The following NAA16 variants were observed in gnomAD, a reference collection of about 807,000 sequenced individuals.
The protein encoded by NAA16 is N-alpha-acetyltransferase 16, NatA auxiliary subunit.
In NAA16, 97 loss-of-function variants were observed where a neutral mutation model predicts 110.3. The observed-to-expected ratio is 0.88, with a 90% CI of 0.75 to 1.04. The LOEUF is 1.04. NAA16 is among the 50% of genes least tolerant of loss of function. The pLI, the probability that NAA16 is intolerant of heterozygous loss-of-function variation, is 0.00. For synonymous variants in NAA16, 372 were observed against 330.6 expected (o/e 1.13, Z -1.36); for missense variants, 1,017 against 1,005.1 (o/e 1.01, Z -0.16).
chr13:41,373,267 T>G (rs2043358241), intron 17 of NAA16: 2 of 579,980 alleles, frequency 3.4e-6, no homozygotes, highest in Non-Finnish European at 4.3e-6. Context: ...GTGTTTTTTG[T>G]TTTTTTTTTT....
At chr13:41,324,678 T>C (rs2042042474) in intron 5 of NAA16, among the ~76,000 whole-genome samples, 2 of 150,968 alleles carry the variant, frequency 1.3e-5, no homozygotes, top group African/African-American at 4.9e-5. Flanking sequence ...CCGGCCAATT[T>C]CTGTTTTTTT....
intron 9 of NAA16, among the ~76,000 whole-genome samples, chr13:41,349,111 A>C (rs2042760608): frequency 6.6e-6 from 1 of 151,264 alleles, no homozygotes; most frequent in South Asian, 2.1e-4. Flanking sequence ...TATTTCATTA[A>C]TTTTCACTTT....
chr13:41,358,401 T>G lies in NAA16; in HGVS notation c.1185T>G (p.Asp395Glu). 1.2e-6 allele frequency: 2 copies of G among 1,613,494 alleles called. No homozygotes were observed. Among genetic ancestry groups the G allele is most frequent in the Non-Finnish European group, 1.7e-6 (2 of 1,179,440 alleles). ...TTGGACAGTATTCTTTGGCTTTGGA[T>G]TATATTAATGCTGCAATTGCTAGTA... ...DKLGQYSLAL[D>E]YINAAIASTP... The change falls in exon 11 of 20, where the codon GAT becomes GAG. Residue 395 changes from aspartate to glutamate, a missense_variant. By Grantham distance (45) the Asp-to-Glu change is conservative. Transcript: ENST00000379406.
At chr13:41,317,030 T>G (rs1457180234) in intron 2 of NAA16, 100 bp downstream of exon 2, 1 of 822,514 alleles carries the variant, frequency 1.2e-6, no homozygotes, top group African/African-American at 1.7e-5. Context: ...GGCCTTGCAG[T>G]TCTCTATTAG....
At chr13:41,358,153 C>T (rs2043034248) in intron 10 of NAA16, 151 bp from the exon 11 acceptor site, 1 of 684,548 alleles carries the variant, frequency 1.5e-6, no homozygotes, top group Non-Finnish European at 2.4e-6. Flanking sequence ...TTTATGAAGT[C>T]ATACCTCTTT....
At position 41,358,610 on chromosome 13, in the gene NAA16, A is replaced by C. The variant is rs1009272782; in HGVS notation, c.1257+137A>C. Reference sequence around the variant, plus strand: ...TAATAATCCTGTGTAGTTTCATGTTATATTAATTGTATAATCAATGTGTAA... The same window carrying C: ...TAATAATCCTGTGTAGTTTCATGTTCTATTAATTGTATAATCAATGTGTAA... On this transcript the variant is annotated intron_variant, in intron 11 of 19. Coordinates refer to ENST00000379406, the MANE Select transcript of NAA16 (RefSeq NM_024561.5). 3.6e-5 allele frequency: 52 copies of C among 1,455,716 alleles called. No homozygotes were observed. In the African/African-American group the frequency reaches 6.4e-4, roughly 18 times the overall value. 90.2% of individuals were successfully genotyped at this position (1,455,716 alleles called of 1,614,324 possible).
intron 8 of NAA16, 57 bp from the exon 9 acceptor site, chr13:41,336,593 C>A: frequency 2.8e-6 from 3 of 1,053,884 alleles, no homozygotes; most frequent in South Asian, 1.6e-5. Flanking sequence ...TTTAGAAAAT[C>A]ATTTTAAGAA....
chr13:41,351,330 T>C (rs2042829597), intron 9 of NAA16, among the ~76,000 whole-genome samples: 1 of 152,236 alleles, frequency 6.6e-6, no homozygotes, highest in South Asian at 2.1e-4. Context: ...TTTATTTTAT[T>C]GTCATTGTTC....
rs57333303 is a variant in NAA16 at position 41,353,113 on chromosome 13, TCAAAA to T, written c.1015-2008_1015-2004del. On this transcript the variant is annotated intron_variant, in intron 9 of 19. Coordinates refer to ENST00000379406, the MANE Select transcript of NAA16 (RefSeq NM_024561.5). ...CCTGGTGACAGAGCGAGACTCCATC[TCAAAA>T]CAAAACAAAACAAAACAAAACATAG... is the stretch of plus-strand genomic sequence containing the variant. Among the ~76,000 whole-genome samples the T allele has an allele frequency of 1.9e-3, 289 of 150,534 alleles. 1 individual carries two copies. Among genetic ancestry groups the T allele is most frequent in the African/African-American group, 4.6e-3 (187 of 40,778 alleles).
At position 41,374,980 on chromosome 13, in the gene NAA16, T is replaced by C. The variant is rs75528437; in HGVS notation, c.2397+141T>C. ...CTATCAATTATGAGATGCGTAACTT[T>C]AGGCAGGTTATGTCTCTTAGCTTCT... On this transcript the variant is annotated intron_variant, in intron 19 of 19. Coordinates refer to ENST00000379406, the MANE Select transcript of NAA16 (RefSeq NM_024561.5). 831 of 602,902 alleles carry C rather than the reference T, an allele frequency of 1.4e-3. 1 individual carries two copies. The highest frequency in any genetic ancestry group is 0.012 in the African/African-American group (625 of 53,998). The allele number at this position is 602,902 out of a possible 1,614,324, so 37.3% of individuals were successfully genotyped here.
Position 41,336,700 on chromosome 13 carries a change from A to G in NAA16, c.958A>G (p.Lys320Glu), listed in dbSNP as rs1381941078. Residue 320 changes from lysine to glutamate, a missense_variant, in exon 9 of 20, where the codon AAA (lysine) becomes GAA (glutamate). Transcript: ENST00000379406. ...TAAGTTCCTGAGGGTTAACTTCAGT[A>G]AAGGCTGCCCACCCTTGTTTACTAC... The part of the protein sequence containing the change: ...MDKFLRVNFS[K>E]GCPPLFTTLK... The G allele has an allele frequency of 6.2e-7, 1 of 1,610,034 alleles. No homozygotes were observed. The highest frequency in any genetic ancestry group is 1.3e-5 in the African/African-American group (1 of 74,836).
chr13:41,351,801 C>T (rs927391999), intron 9 of NAA16, among the ~76,000 whole-genome samples: 18 of 151,958 alleles, frequency 1.2e-4, no homozygotes, highest in African/African-American at 4.4e-4. Context: ...TTAAGGTGGC[C>T]ATTTATGTTT....
In NAA16 at chr13:41,369,288, G is replaced by A. The variant is rs753345113; in HGVS notation, c.1947+5G>A. 3.2e-6 allele frequency: 5 copies of A among 1,554,096 alleles called. No homozygotes were observed. Among genetic ancestry groups the A allele is most frequent in the East Asian group, 4.6e-5 (2 of 43,844 alleles). On this transcript the variant is annotated splice_donor_5th_base_variant and intron_variant, in intron 15 of 19. Transcript: ENST00000379406. ...ATACCTGAAAAATTAGAAAGGGTGAGATGGGTTTTACTATCTTTGTTATTT... is the reference window on the plus strand; with the variant it reads ...ATACCTGAAAAATTAGAAAGGGTGAAATGGGTTTTACTATCTTTGTTATTT...
Position 41,375,532 on chromosome 13 carries a change from A to G in NAA16, c.2525A>G (p.Asn842Ser). 6.2e-7 allele frequency: 1 copy of G among 1,614,102 alleles called. No individual in the cohort carries two copies. Among genetic ancestry groups the G allele is most frequent in the South Asian group, 1.1e-5 (1 of 91,080 alleles). ...ACATCTGCCTTCTTGCCTGCTGTGA[A>G]TGAAGTCGACAATCCTAATGTGGCA... ...PFTSAFLPAVNEVDNPNVALN... is the reference protein window; with the variant it reads ...PFTSAFLPAVSEVDNPNVALN... The change falls in exon 20 of 20, where the codon AAT (asparagine) becomes AGT (serine). Residue 842 changes from asparagine to serine, a missense_variant. Asn to Ser is a conservative substitution (Grantham distance 46). Coordinates refer to ENST00000379406, the MANE Select transcript of NAA16 (RefSeq NM_024561.5).
chr13:41,366,676 C>G (rs1450149456), intron 13 of NAA16, among the ~76,000 whole-genome samples: 1 of 151,998 alleles, frequency 6.6e-6, no homozygotes, highest in African/African-American at 2.4e-5. Context: ...TACATAGACT[C>G]CAGTTTCAGA....
chr13:41,358,406 T>A lies in NAA16; in HGVS notation c.1190T>A (p.Ile397Asn), dbSNP rs746924306. 6.2e-7 allele frequency: 1 copy of A among 1,613,462 alleles called. No homozygotes were observed. Among genetic ancestry groups the A allele is most frequent in the Admixed American group, 1.7e-5 (1 of 60,020 alleles). ...CAGTATTCTTTGGCTTTGGATTATATTAATGCTGCAATTGCTAGTACTCCA... is the reference window on the plus strand; with the variant it reads ...CAGTATTCTTTGGCTTTGGATTATAATAATGCTGCAATTGCTAGTACTCCA... ...LGQYSLALDY[I>N]NAAIASTPTL... Residue 397 changes from isoleucine (I) to asparagine (N), a missense_variant, in exon 11 of 20, where the codon ATT becomes AAT. By Grantham distance (149) the Ile-to-Asn change is moderately radical. Transcript: ENST00000379406.
At chr13:41,362,972 T>G (rs1370753224) in intron 13 of NAA16, 3 of 913,000 alleles carry the variant, frequency 3.3e-6, no homozygotes, top group African/African-American at 1.8e-5. Flanking sequence ...AGGGGGTGGC[T>G]TTTGATGGGG....
At chr13:41,370,218 T>TA (rs1261377307) in intron 15 of NAA16, among the ~76,000 whole-genome samples, 1 of 152,188 alleles carries the variant, frequency 6.6e-6, no homozygotes, top group Admixed American at 6.5e-5. Context: ...ATGTTTGGGT[T>TA]AAAAAATGTC....
intron 8 of NAA16, among the ~76,000 whole-genome samples, chr13:41,333,075 A>T (rs941446624): frequency 1.6e-4 from 24 of 152,082 alleles, no homozygotes; most frequent in African/African-American, 5.8e-4. Flanking sequence ...AGTTTGGGAA[A>T]CTGGGTTAGA....
Sources: gnomAD v4.1 joint callset for allele counts (sites outside exome capture counted in the v4.1 genomes callset) on GRCh38, gnomAD v4.1.1 for gene constraint, MANE v1.5 for transcripts, NCBI Gene and HGNC (gene_info 2026-07-23, HGNC 2026-07-21) for gene names.